RAP1GAP: variants seen among roughly 807,000 people sequenced by gnomAD.
The protein encoded by RAP1GAP is RAP1 GTPase activating protein.
In RAP1GAP, 35 loss-of-function variants were observed where a neutral mutation model predicts 87.2. The observed-to-expected ratio is 0.40, with a 90% CI of 0.31 to 0.53. The LOEUF (loss-of-function observed/expected upper bound fraction) is 0.53, where lower values mean the gene tolerates loss of function less well. Among genes scored for constraint, RAP1GAP ranks in the 20% least tolerant of loss-of-function variants. The pLI is 0.48. For synonymous variants in RAP1GAP, 375 were observed against 363.9 expected (o/e 1.03, Z -0.35); for missense variants, 734 against 898.9 (o/e 0.82, Z 2.35).
intron 4 of RAP1GAP, 115 bp downstream of exon 4, chr1:21,619,900 T>C: frequency 1.8e-6 from 2 of 1,112,026 alleles, no homozygotes; most frequent in South Asian, 1.3e-5. Context: ...CACCATCTTC[T>C]ACTGGCGTGG....
Position 21,613,102 on chromosome 1 carries a change from A to G in RAP1GAP, c.528+74T>C, listed in dbSNP as rs1194889557. On this transcript the variant is annotated intron_variant, in intron 10 of 24. Coordinates refer to ENST00000374765, the MANE Select transcript of RAP1GAP (RefSeq NM_002885.4). The surrounding 1 kb of genome is among the most constrained non-coding windows in gnomAD (Gnocchi z 4.7). ...CCTTGGGAAAGTATCTGGCACACAG[A>G]AGGTGCTTAATAAATGCTCAGTCTT... 7.1e-7 allele frequency: 1 copy of G among 1,415,682 alleles called. No individual in the cohort carries two copies. The highest frequency in any genetic ancestry group is 2.3e-5 in the East Asian group (1 of 43,772). 87.7% of individuals were successfully genotyped at this position (1,415,682 alleles called of 1,614,324 possible). A position where few individuals can be genotyped will look rare whatever the true frequency, so the allele number is the denominator to read the frequency against.
rs2097452753 is a variant in RAP1GAP, at chr1:21,668,450, ACAAGG to A, written c.-149+799_-149+803del. ...CCACCGGGCCTGTGCTATGACCCCA[ACAAGG>A]ACTCCGAGGGCATGCACAGGCTGGG... is the stretch of plus-strand genomic sequence containing the variant. On this transcript the variant is annotated intron_variant, in intron 1 of 24. Coordinates refer to ENST00000374765, the MANE Select transcript of RAP1GAP (RefSeq NM_002885.4). This position sits in a 1 kb window ranked among gnomAD's most constrained non-coding sequence, Gnocchi z 6.2. The A allele has an allele frequency of 6.6e-6, 1 of 152,492 alleles. No homozygotes were observed. Among genetic ancestry groups the A allele is most frequent in the Non-Finnish European group, 1.5e-5 (1 of 68,284 alleles). 9.4% of individuals were successfully genotyped at this position (152,492 alleles called of 1,614,324 possible).
At chr1:21,608,799 T>C (rs920987918) in intron 16 of RAP1GAP, 51 bp downstream of exon 16, 128 of 1,530,086 alleles carry the variant, frequency 8.4e-5, no homozygotes, top group Non-Finnish European at 1.1e-4. Context: ...GCTGAAGTTA[T>C]AGGTTGGAAG....
At chr1:21,629,881 G>A (rs1362915967) in intron 2 of RAP1GAP, among the ~76,000 whole-genome samples, 2 of 152,218 alleles carry the variant, frequency 1.3e-5, no homozygotes, top group Non-Finnish European at 2.9e-5. Flanking sequence ...TGACTTCAGA[G>A]CCCAAGATCT....
At chr1:21,635,583 T>G (rs2094551236) in intron 2 of RAP1GAP, among the ~76,000 whole-genome samples, 1 of 152,208 alleles carries the variant, frequency 6.6e-6, no homozygotes, top group South Asian at 2.1e-4. Context: ...CCCCCAGCAC[T>G]GAGGCCTTGC....
At chr1:21,604,561 G>A (rs2072336523) in intron 18 of RAP1GAP, among the ~76,000 whole-genome samples, 1 of 152,088 alleles carries the variant, frequency 6.6e-6, no homozygotes, top group Non-Finnish European at 1.5e-5. Context: ...TGTCCCTGGG[G>A]CCCCTCTCGG....
At chr1:21,597,631 C>G in intron 24 of RAP1GAP, 55 bp downstream of exon 24, 1 of 1,476,574 alleles carries the variant, frequency 6.8e-7, no homozygotes, top group South Asian at 1.3e-5. Context: ...CAGCTCAGCC[C>G]TCTACACACC....
At chr1:21,610,044 G>A (rs552847827) in intron 14 of RAP1GAP, 76 bp downstream of exon 14, 2 of 1,530,938 alleles carry the variant, frequency 1.3e-6, no homozygotes, top group African/African-American at 2.8e-5. Context: ...GTGAGGCTCA[G>A]AGGGGCATCC....
intron 10 of RAP1GAP, 137 bp from the exon 11 acceptor site, chr1:21,612,246 G>T: frequency 1.4e-6 from 1 of 718,914 alleles, no homozygotes; most frequent in African/African-American, 1.7e-5. Flanking sequence ...CTGGGAGGGA[G>T]ACAGTCCAGC....
chr1:21,610,022 T>C (rs758079168), intron 14 of RAP1GAP, 98 bp downstream of exon 14: 62 of 1,410,370 alleles, frequency 4.4e-5, no homozygotes, highest in Non-Finnish European at 5.6e-5. Flanking sequence ...CCCCCCATTA[T>C]AGCTGGAAAA....
intron 2 of RAP1GAP, among the ~76,000 whole-genome samples, chr1:21,647,226 C>T (rs955685640): frequency 7.9e-5 from 12 of 152,022 alleles, no homozygotes; most frequent in African/African-American, 2.9e-4. Context: ...AATGGGAGGC[C>T]GAGATGGGAG....
At chr1:21,649,302 G>A (rs1036184056) in intron 2 of RAP1GAP, among the ~76,000 whole-genome samples, 47 of 152,060 alleles carry the variant, frequency 3.1e-4, no homozygotes, top group African/African-American at 1.1e-3. Context: ...GGATTTGGGG[G>A]TCAGTAAAGG....
chr1:21,613,158 G>A lies in RAP1GAP; in HGVS notation c.528+18C>T, dbSNP rs200594345. The A allele has an allele frequency of 4.2e-5, 65 of 1,532,852 alleles. No homozygotes were observed. The African/African-American group carries it at 7.5e-4, about 18-fold the overall frequency. The allele number at this position is 1,532,852 out of a possible 1,614,324, so 95.0% of individuals were successfully genotyped here. The stretch of plus-strand genomic sequence containing the variant: ...TACTCACCCACCCTCAGTGAGCTGT[G>A]CCCAGATCCAGCCATACCTTGGGGT... On this transcript the variant is annotated intron_variant, in intron 10 of 24. Coordinates refer to ENST00000374765, the MANE Select transcript of RAP1GAP (RefSeq NM_002885.4). This position sits in a 1 kb window ranked among gnomAD's most constrained non-coding sequence, Gnocchi z 4.7.
At chr1:21,651,519 T>C (rs1258540906) in intron 1 of RAP1GAP, 1 of 663,210 alleles carries the variant, frequency 1.5e-6, no homozygotes, top group Non-Finnish European at 2.9e-6. Context: ...AACACAGCAA[T>C]GTCCACCCTG....
chr1:21,655,613 C>A (rs542927660), intron 1 of RAP1GAP, among the ~76,000 whole-genome samples: 2 of 150,974 alleles, frequency 1.3e-5, no homozygotes, highest in African/African-American at 4.8e-5. Context: ...TCCTTGGCCT[C>A]CAGCCTCTTA....
At chr1:21,616,107 G>A (rs1825306) in intron 7 of RAP1GAP, among the ~76,000 whole-genome samples, 1 of 148,184 alleles carries the variant, frequency 6.7e-6, no homozygotes, top group South Asian at 2.1e-4. Flanking sequence ...CACATCTTCC[G>A]AACCCCCAAG....
chr1:21,642,921 C>T (rs1207820248), intron 2 of RAP1GAP, among the ~76,000 whole-genome samples: 3 of 151,338 alleles, frequency 2.0e-5, no homozygotes, highest in African/African-American at 7.3e-5. Context: ...CACACTGCCA[C>T]TTGGCCCACT....
intron 2 of RAP1GAP, among the ~76,000 whole-genome samples, chr1:21,630,964 C>A (rs1207739200): frequency 2.6e-5 from 4 of 152,154 alleles, no homozygotes; most frequent in Admixed American, 2.6e-4. Context: ...CACCAGCTCG[C>A]CCATCTCTGC....
At chr1:21,659,196 T>C (rs1001004526) in intron 1 of RAP1GAP, among the ~76,000 whole-genome samples, 3 of 152,078 alleles carry the variant, frequency 2.0e-5, no homozygotes, top group African/African-American at 7.2e-5. Flanking sequence ...TGAACCACAG[T>C]GCCCGGCCGA....
Sources: gnomAD v4.1 joint callset for allele counts (sites outside exome capture counted in the v4.1 genomes callset) on GRCh38, gnomAD v4.1.1 for gene constraint, Gnocchi (gnomAD v3.1) non-coding constraint, MANE v1.5 for transcripts, NCBI Gene and HGNC (gene_info 2026-07-23, HGNC 2026-07-21) for gene names.